The following NRP1 variants were observed in gnomAD, a reference collection of about 807,000 sequenced individuals.
NRP1 encodes neuropilin-1.
Under a neutral mutation model 106.7 loss-of-function variants are expected in NRP1, and 35 were observed. That is an observed-to-expected ratio of 0.33 (90% CI 0.25 to 0.43). The LOEUF is 0.43. Among genes scored for constraint, NRP1 ranks in the 20% least tolerant of loss-of-function variants. NRP1 has a pLI of 1.00. For synonymous variants in NRP1, 437 were observed against 417.9 expected, an observed-to-expected ratio of 1.05 and a Z score of -0.56; for missense variants, 1,024 against 1,170.4, an observed-to-expected ratio of 0.87 and a Z score of 1.83.
At position 33,334,276 on chromosome 10, in the gene NRP1, G is replaced by T. The variant is rs747655545; in HGVS notation, c.73+34C>A. The T allele has an allele frequency of 1.8e-5, 27 of 1,531,862 alleles. No homozygotes were observed. The South Asian group carries it at 3.0e-4, about 17-fold the overall frequency. The allele number at this position is 1,531,862 out of a possible 1,614,324, so 94.9% of individuals were successfully genotyped here. A position where few individuals can be genotyped will look rare whatever the true frequency, so the allele number is the denominator to read the frequency against. ...GGGGCGGGCAGCTGGGAGCCGGGGC[G>T]CCGCTGTCACCCGCGCCTCTGCCTG... On this transcript the variant is annotated intron_variant, in intron 1 of 16. Coordinates refer to ENST00000374867, the MANE Select transcript of NRP1 (RefSeq NM_003873.7).
chr10:33,208,221 G>C (rs1008617950), intron 9 of NRP1, among the ~76,000 whole-genome samples: 1 of 151,920 alleles, frequency 6.6e-6, no homozygotes, highest in Non-Finnish European at 1.5e-5. Context: ...CCACCACGCC[G>C]AGCTAATTTT....
chr10:33,321,276 G>A (rs114428666), intron 2 of NRP1, among the ~76,000 whole-genome samples: 2 of 152,144 alleles, frequency 1.3e-5, no homozygotes, highest in Non-Finnish European at 2.9e-5. Context: ...GAGCCACCGC[G>A]CCTGGCTAGA....
At chr10:33,202,391 T>G in intron 11 of NRP1, 1 of 377,136 alleles carries the variant, frequency 2.7e-6, no homozygotes, top group Non-Finnish European at 4.8e-6. Context: ...TCTGCCTTTG[T>G]AAATGTTAAT....
intron 8 of NRP1, among the ~76,000 whole-genome samples, chr10:33,220,322 A>C (rs549410666): frequency 2.0e-4 from 31 of 152,322 alleles, no homozygotes; most frequent in Non-Finnish European, 4.0e-4. Flanking sequence ...GGATAAACAG[A>C]AAAATGGAAT....
At position 33,235,095 on chromosome 10, in the gene NRP1, T is replaced by C. The variant is rs375283677; in HGVS notation, c.982-8806A>G. Among the ~76,000 whole-genome samples the C allele has an allele frequency of 3.3e-5, 5 of 152,360 alleles. No homozygotes were observed. The South Asian group carries it at 1.0e-3, about 32-fold the overall frequency. On this transcript the variant is annotated intron_variant, in intron 6 of 16. Transcript: ENST00000374867. The stretch of plus-strand genomic sequence containing the variant: ...TATAACACATTCTCCCACTCTCATG[T>C]GAATTTTTCTTTTTGCATAAATCAG...
chr10:33,303,869 G>A (rs1163824365), intron 2 of NRP1, among the ~76,000 whole-genome samples: 1 of 152,106 alleles, frequency 6.6e-6, no homozygotes, highest in Non-Finnish European at 1.5e-5. Context: ...TTCTATACCC[G>A]TGTAGTACTC....
In NRP1 at chr10:33,252,562, C is replaced by T. The variant is rs146418754; in HGVS notation, c.981+1466G>A. 6.9e-3 allele frequency among the ~76,000 whole-genome samples: 1,054 copies of T among 152,208 alleles called. 6 individuals carry two copies. The highest frequency in any genetic ancestry group is 0.017 in the Middle Eastern group (5 of 294). On this transcript the variant is annotated intron_variant, in intron 6 of 16. Transcript: ENST00000374867. ...GGGCACTGAAGAAGCGAGCCACACC[C>T]CTATCGCACGCCCTGTGAGGGACAC...
intron 12 of NRP1, chr10:33,195,478 A>T (rs758626501): frequency 3.8e-6 from 2 of 533,252 alleles, no homozygotes; most frequent in Admixed American, 3.9e-5. Context: ...TGAAATAGTA[A>T]GACTCTGAGT....
At chr10:33,213,170 C>T in intron 9 of NRP1, 2 of 1,313,194 alleles carry the variant, frequency 1.5e-6, no homozygotes, top group Non-Finnish European at 2.1e-6. Context: ...GGGAATGGGA[C>T]CAGCAATGCA....
rs1203567172 is a variant in NRP1, at chr10:33,207,706, C to G, written c.1625G>C (p.Gly542Ala). ...DSKRKAKSFE[G>A]NNNYDTPELR... ...CTCAGGTGTATCATAGTTGTTGTTG[C>G]CCTCAAAAGACTGTGAAGCATGGAA... Residue 542 changes from glycine (G) to alanine (A), a missense_variant, in exon 10 of 17, where the codon GGC (glycine) becomes GCC (alanine). Gly to Ala is a moderately conservative substitution (Grantham distance 60). Transcript: ENST00000374867. 4 of 1,613,550 alleles carry G rather than the reference C, an allele frequency of 2.5e-6. No individual in the cohort carries two copies. The highest frequency in any genetic ancestry group is 3.4e-6 in the Non-Finnish European group (4 of 1,179,852).
intron 13 of NRP1, among the ~76,000 whole-genome samples, chr10:33,190,673 C>T (rs1836340847): frequency 6.6e-6 from 1 of 152,104 alleles, no homozygotes; most frequent in Non-Finnish European, 1.5e-5. Flanking sequence ...AAATGCCCCC[C>T]TGGGGTACCT....
At chr10:33,274,925 G>C (rs1463666675) in intron 2 of NRP1, among the ~76,000 whole-genome samples, 1 of 152,180 alleles carries the variant, frequency 6.6e-6, no homozygotes, top group Non-Finnish European at 1.5e-5. Flanking sequence ...TTTTGCACGA[G>C]CATTAATAGC....
At chr10:33,254,281 T>C in intron 5 of NRP1, 87 bp from the exon 6 acceptor site, 1 of 1,189,804 alleles carries the variant, frequency 8.4e-7, no homozygotes, top group Non-Finnish European at 1.2e-6. Flanking sequence ...ACCAAAGAGT[T>C]CTTTCATTCA....
intron 15 of NRP1, 130 bp downstream of exon 15, chr10:33,185,498 A>G: frequency 1.5e-6 from 1 of 658,960 alleles, no homozygotes; most frequent in Non-Finnish European, 2.7e-6. Context: ...CAGAATACGC[A>G]TTTCCTATGA....
chr10:33,206,205 G>A (rs1564380037), intron 10 of NRP1: 1 of 518,796 alleles, frequency 1.9e-6, no homozygotes, highest in African/African-American at 1.9e-5. Flanking sequence ...TCGCATCCAG[G>A]GAGCAGACTC....
intron 2 of NRP1, among the ~76,000 whole-genome samples, chr10:33,280,127 T>C (rs1023748218): frequency 5.5e-4 from 83 of 152,246 alleles, no homozygotes; most frequent in Non-Finnish European, 1.0e-4. Flanking sequence ...TATACAATGT[T>C]AATGGAAAAA....
At chr10:33,262,271 GT>G (rs1842625654) in intron 4 of NRP1, among the ~76,000 whole-genome samples, 1 of 152,134 alleles carries the variant, frequency 6.6e-6, no homozygotes, top group African/African-American at 2.4e-5. Context: ...ATCCCCCTCT[GT>G]TCAGAATTTC....
At chr10:33,269,438 C>T (rs1843142102) in intron 3 of NRP1, among the ~76,000 whole-genome samples, 1 of 152,210 alleles carries the variant, frequency 6.6e-6, no homozygotes, top group South Asian at 2.1e-4. Flanking sequence ...GAACTGATCA[C>T]ATGCATGCGC....
At chr10:33,209,067 C>T (rs952127575) in intron 9 of NRP1, among the ~76,000 whole-genome samples, 9 of 150,710 alleles carry the variant, frequency 6.0e-5, no homozygotes, top group South Asian at 2.1e-4. Flanking sequence ...CCAATATGTC[C>T]GGCTAATTTT....
Sources: allele counts gnomAD v4.1 joint callset (sites outside exome capture counted in the v4.1 genomes callset), GRCh38; gene constraint gnomAD v4.1.1; transcripts MANE v1.5; gene names NCBI Gene and HGNC (gene_info 2026-07-23, HGNC 2026-07-21).